PTBP1: variants seen among roughly 807,000 people sequenced by gnomAD.
PTBP1 encodes the protein polypyrimidine tract binding protein 1, also known as polypyrimidine tract-binding protein 1.
In PTBP1, 8 loss-of-function variants were observed where a neutral mutation model predicts 59.8. The ratio of observed to expected loss-of-function variants is 0.13; its 90% CI spans 0.08 to 0.24. The LOEUF is 0.24. Among genes scored for constraint, PTBP1 ranks in the 10% least tolerant of loss-of-function variants. The pLI is 1.00. For synonymous variants in PTBP1, 490 were observed against 320.7 expected, an observed-to-expected ratio of 1.53 and a Z score of -5.64; for missense variants, 686 against 767.0, an observed-to-expected ratio of 0.89 and a Z score of 1.25.
chr19:807,933 G>C, intron 11 of PTBP1, 31 bp downstream of exon 11: 1 of 1,591,742 alleles, frequency 6.3e-7, no homozygotes, highest in Non-Finnish European at 8.6e-7. Flanking sequence ...TTATTACCTT[G>C]TTTTCATTAA....
In PTBP1 at chr19:804,719, A is replaced by G. The variant is rs373725623; in HGVS notation, c.606+17A>G. On this transcript the variant is annotated intron_variant, in intron 6 of 14. Coordinates refer to ENST00000356948, the MANE Select transcript of PTBP1 (RefSeq NM_002819.5). The stretch of plus-strand genomic sequence containing the variant: ...CTGCACCAGGTGAGGTGGTCCCATC[A>G]CCGCCAGGGCAGGTCGGCTGCTATT... 31 of 1,610,146 alleles carry G rather than the reference A, an allele frequency of 1.9e-5. No individual in the cohort carries two copies. Among genetic ancestry groups the G allele is most frequent in the Middle Eastern group, 3.3e-4 (2 of 6,070 alleles).
At chr19:807,996 C>CT (rs1305077812) in intron 11 of PTBP1, 94 bp downstream of exon 11, 152 of 1,168,982 alleles carry the variant, frequency 1.3e-4, no homozygotes, top group Non-Finnish European at 1.9e-4. Flanking sequence ...GTTTGGCACT[C>CT]TGATGCTCCG....
In PTBP1 at chr19:810,822, T is replaced by A; in HGVS notation, c.1670T>A (p.Ile557Asn). The A allele has an allele frequency of 6.4e-7, 1 of 1,566,224 alleles. No homozygotes were observed. The highest frequency in any genetic ancestry group is 8.6e-7 in the Non-Finnish European group (1 of 1,163,358). ...HLRVSFSKST[I>N] ...CGGGTCTCCTTCTCCAAGTCCACCA[T>A]CTAGGGGCACAGGCCCCCACGGCCG... Residue 557 changes from isoleucine to asparagine, a missense_variant, in exon 15 of 15, where the codon ATC becomes AAC. Transcript: ENST00000356948.
Position 806,489 on chromosome 19 carries a change from G to A in PTBP1, c.1052G>A (p.Arg351Gln). Residue 351 changes from arginine (R) to glutamine (Q), a missense_variant, in exon 10 of 15, where the codon CGG (arginine) becomes CAG (glutamine). Coordinates refer to ENST00000356948, the MANE Select transcript of PTBP1 (RefSeq NM_002819.5). ...SAAAAAAAAG[R>Q]IAIPGLAGAG... is the part of the protein sequence containing the mutation. ...GCGGCGGCAGCTGCGGCGGCAGGTC[G>A]GATCGCCATCCCGGGCCTGGCGGGG... 1 of 1,586,082 alleles carries A rather than the reference G, an allele frequency of 6.3e-7. No homozygotes were observed. Among genetic ancestry groups the A allele is most frequent in the Non-Finnish European group, 8.6e-7 (1 of 1,167,992 alleles).
Position 799,591 on chromosome 19 carries a change from G to A in PTBP1, c.39+148G>A, listed in dbSNP as rs541197638. Reference sequence around the variant, plus strand: ...CTTGGTCTGGAATCTGGAGTTGGGCGGTAGGGTTTGAACCCCGGGCTCCAG... The same window carrying A: ...CTTGGTCTGGAATCTGGAGTTGGGCAGTAGGGTTTGAACCCCGGGCTCCAG... On this transcript the variant is annotated intron_variant, in intron 2 of 14. Transcript: ENST00000356948. The A allele has an allele frequency of 1.4e-5, 12 of 835,400 alleles. No homozygotes were observed. In the African/African-American group the frequency reaches 1.5e-4, roughly 11 times the overall value. The allele number at this position is 835,400 out of a possible 1,614,324, so 51.7% of individuals were successfully genotyped here.
At chr19:800,015 C>G (rs2034261367) in intron 2 of PTBP1, among the ~76,000 whole-genome samples, 1 of 152,022 alleles carries the variant, frequency 6.6e-6, no homozygotes, top group Non-Finnish European at 1.5e-5. Flanking sequence ...CAACCTCCAC[C>G]TCTCAGGTTC....
In PTBP1 at chr19:808,043, G is replaced by T; in HGVS notation, c.1153+141G>T. On this transcript the variant is annotated intron_variant, in intron 11 of 14. Coordinates refer to ENST00000356948, the MANE Select transcript of PTBP1 (RefSeq NM_002819.5). This position sits in a 1 kb window ranked among gnomAD's most constrained non-coding sequence, Gnocchi z 4.7. ...TCGTTTTATGGTTTGCTTTCGGTTT[G>T]CGAATTTTATTTGGTCCCGTAGATA... The T allele has an allele frequency of 1.2e-6, 1 of 823,420 alleles. No individual in the cohort carries two copies. Among genetic ancestry groups the T allele is most frequent in the Non-Finnish European group, 2.1e-6 (1 of 484,682 alleles). The allele number at this position is 823,420 out of a possible 1,614,324, so 51.0% of individuals were successfully genotyped here.
Position 810,773 on chromosome 19 carries a change from G to A in PTBP1, c.1621G>A (p.Asp541Asn), listed in dbSNP as rs754058428. The change falls in exon 15 of 15, where the codon GAC (aspartate) becomes AAC (asparagine). Residue 541 changes from aspartate to asparagine, a missense_variant. Physicochemically the swap from Asp to Asn is conservative, Grantham distance 23. Coordinates refer to ENST00000356948, the MANE Select transcript of PTBP1 (RefSeq NM_002819.5). ...GGCCCTCATTGACCTGCACAACCAC[G>A]ACCTCGGGGAGAACCACCACCTGCG... ...VQALIDLHNH[D>N]LGENHHLRVS... is the part of the protein sequence containing the mutation. The A allele has an allele frequency of 6.9e-6, 11 of 1,603,022 alleles. No homozygotes were observed. The highest frequency in any genetic ancestry group is 3.5e-5 in the Admixed American group (2 of 57,410).
Position 810,815 on chromosome 19 carries a change from T to C in PTBP1, c.1663T>C (p.Ser555Pro). 6.3e-7 allele frequency: 1 copy of C among 1,578,120 alleles called. No individual in the cohort carries two copies. The highest frequency in any genetic ancestry group is 8.6e-7 in the Non-Finnish European group (1 of 1,167,084). ...NHHLRVSFSKSTI is the reference protein window; with the variant it reads ...NHHLRVSFSKPTI ...CCACCTGCGGGTCTCCTTCTCCAAG[T>C]CCACCATCTAGGGGCACAGGCCCCC... The change falls in exon 15 of 15, where the codon TCC (serine) becomes CCC (proline). Residue 555 changes from serine to proline, a missense_variant. By Grantham distance (74) the Ser-to-Pro change is moderately conservative (BLOSUM62 -1). Coordinates refer to ENST00000356948, the MANE Select transcript of PTBP1 (RefSeq NM_002819.5).
At position 805,058 on chromosome 19, in the gene PTBP1, A is replaced by G. The variant is rs1033918034; in HGVS notation, c.763A>G (p.Ile255Val). ...CTACAACGCCTGCTGCACGCTGCGC[A>G]TCGACTTTTCCAAGCTCACCAGCCT... is the stretch of plus-strand genomic sequence containing the variant. ...NIYNACCTLR[I>V]DFSKLTSLNV... is the part of the protein sequence containing the mutation. Residue 255 changes from isoleucine (I) to valine (V), a missense_variant, in exon 8 of 15, where the codon ATC becomes GTC. Coordinates refer to ENST00000356948, the MANE Select transcript of PTBP1 (RefSeq NM_002819.5). 13 of 1,613,836 alleles carry G rather than the reference A, an allele frequency of 8.1e-6. No homozygotes were observed. Among genetic ancestry groups the G allele is most frequent in the East Asian group, 2.2e-5 (1 of 44,872 alleles).
chr19:809,919 A>G (rs892300528), intron 13 of PTBP1, among the ~76,000 whole-genome samples: 2 of 152,172 alleles, frequency 1.3e-5, no homozygotes, highest in Non-Finnish European at 2.9e-5. Context: ...ACATAATGCA[A>G]GTATTTGGAA....
rs900799186 is a variant in PTBP1 at position 808,928 on chromosome 19, G to T, written c.1463+166G>T. On this transcript the variant is annotated intron_variant, in intron 13 of 14. Coordinates refer to ENST00000356948, the MANE Select transcript of PTBP1 (RefSeq NM_002819.5). The surrounding 1 kb of genome is among the most constrained non-coding windows in gnomAD (Gnocchi z 4.7). ...AGGCCTGGAGCTTGAGCCGAGGGCT[G>T]CTCAAGGGAGGGGGTCGTTGGACAC... Among the ~76,000 whole-genome samples, 1 of 152,202 alleles carries T rather than the reference G, an allele frequency of 6.6e-6. No homozygotes were observed. Among genetic ancestry groups the T allele is most frequent in the African/African-American group, 2.4e-5 (1 of 41,438 alleles).
At chr19:807,848 C>T in intron 10 of PTBP1, 21 bp from the exon 11 acceptor site, 2 of 1,612,542 alleles carry the variant, frequency 1.2e-6, no homozygotes, top group Middle Eastern at 1.7e-4. Flanking sequence ...CCTCCGCTGC[C>T]TTGCTCTGCT....
At chr19:804,763 C>T (rs576059038) in intron 6 of PTBP1, 61 bp downstream of exon 6, 46 of 1,606,004 alleles carry the variant, frequency 2.9e-5, no homozygotes, top group South Asian at 6.6e-5. Flanking sequence ...CACAGGCACA[C>T]GGGAGGGGCC....
At position 809,691 on chromosome 19, in the gene PTBP1, C is replaced by G. The variant is rs1375055694; in HGVS notation, c.1464-852C>G. ...GATTGCTTGAACCCAAGAGTTAAGA[C>G]CAGCCTGAGCAATAAAGTGAGACCT... On this transcript the variant is annotated intron_variant, in intron 13 of 14. Coordinates refer to ENST00000356948, the MANE Select transcript of PTBP1 (RefSeq NM_002819.5). Among the ~76,000 whole-genome samples the G allele has an allele frequency of 2.0e-5, 3 of 152,134 alleles. No homozygotes were observed. The South Asian group carries it at 6.2e-4, about 32-fold the overall frequency.
At chr19:800,346 C>A (rs2034278410) in intron 2 of PTBP1, among the ~76,000 whole-genome samples, 3 of 152,150 alleles carry the variant, frequency 2.0e-5, no homozygotes, top group African/African-American at 7.2e-5. Flanking sequence ...GCGAATCTTG[C>A]AGCCCCATGG....
chr19:803,333 C>T (rs1486459784), intron 2 of PTBP1, among the ~76,000 whole-genome samples: 2 of 152,168 alleles, frequency 1.3e-5, no homozygotes, highest in African/African-American at 4.8e-5. Context: ...CCCAGGGCTT[C>T]CAGAATTTGG....
chr19:803,784 G>A (rs1305469047), intron 3 of PTBP1, 148 bp downstream of exon 3: 1 of 849,720 alleles, frequency 1.2e-6, no homozygotes, highest in Non-Finnish European at 1.8e-6. Context: ...TCTCGCTGCA[G>A]AGAATTTCCA....
intron 2 of PTBP1, among the ~76,000 whole-genome samples, chr19:801,958 G>A (rs1253180049): frequency 4.6e-5 from 7 of 152,172 alleles, no homozygotes; most frequent in African/African-American, 7.2e-5. Context: ...CAGGGCCGCC[G>A]TGACACTGGA....
Sources: gnomAD v4.1 joint callset for allele counts (sites outside exome capture counted in the v4.1 genomes callset) on GRCh38, gnomAD v4.1.1 for gene constraint, Gnocchi (gnomAD v3.1) non-coding constraint, MANE v1.5 for transcripts, NCBI Gene and HGNC (gene_info 2026-07-23, HGNC 2026-07-21) for gene names.